The following EYA1 variants were observed in gnomAD, a reference collection of about 807,000 sequenced individuals.
The protein encoded by EYA1 is protein phosphatase EYA1.
In EYA1, 16 loss-of-function variants were observed where a neutral mutation model predicts 82.0. The ratio of observed to expected loss-of-function variants is 0.20; its 90% confidence interval spans 0.13 to 0.30. EYA1 has a LOEUF of 0.30. Ranked by LOEUF, EYA1 falls within the 10% of genes least tolerant of loss-of-function variation. The pLI is 1.00. For missense variants in EYA1, 633 were observed against 730.7 expected, an observed-to-expected ratio of 0.87 and a Z score of 1.54; for synonymous variants, 261 against 264.4, an observed-to-expected ratio of 0.99 and a Z score of 0.12.
chr8:71,371,972 T>C (rs1428477561), intron 2 of EYA1, among the ~76,000 whole-genome samples: 1 of 152,178 alleles, frequency 6.6e-6, no homozygotes, highest in Non-Finnish European at 1.5e-5. Flanking sequence ...TGAGAAGTTA[T>C]AGTTCTGGTT....
chr8:71,227,502 T>A (rs905016554), intron 12 of EYA1, among the ~76,000 whole-genome samples: 1 of 152,334 alleles, frequency 6.6e-6, no homozygotes, highest in South Asian at 2.1e-4. Context: ...AGAACTTTCA[T>A]CCTTTTCTGC....
At chr8:71,329,540 G>A (rs962421243) in intron 4 of EYA1, among the ~76,000 whole-genome samples, 7 of 152,078 alleles carry the variant, frequency 4.6e-5, no homozygotes, top group Non-Finnish European at 8.8e-5. Context: ...GACTTCCCCA[G>A]CATCCACTAC....
chr8:71,262,970 C>T (rs1016844294), intron 11 of EYA1, among the ~76,000 whole-genome samples: 3 of 152,150 alleles, frequency 2.0e-5, no homozygotes, highest in African/African-American at 4.8e-5. Flanking sequence ...AGGGCTCTGT[C>T]CTTTGGGATT....
In EYA1 at chr8:71,206,947, G is replaced by A. The variant is rs145975946; in HGVS notation, c.1698+4209C>T. On this transcript the variant is annotated intron_variant, in intron 17 of 17. Transcript: ENST00000340726. ...ATTTTTATATCTTTTATAAAGACAGGGTTTTGCCATGTTGCCCCAACTGGT... is the reference window on the plus strand; with the variant it reads ...ATTTTTATATCTTTTATAAAGACAGAGTTTTGCCATGTTGCCCCAACTGGT... 5.8e-3 allele frequency among the ~76,000 whole-genome samples: 880 copies of A among 152,060 alleles called. 8 individuals carry two copies. Among genetic ancestry groups the A allele is most frequent in the Middle Eastern group, 0.027 (8 of 294 alleles).
At chr8:71,480,927 A>C (rs1339815424) in intron 2 of EYA1, among the ~76,000 whole-genome samples, 1 of 152,182 alleles carries the variant, frequency 6.6e-6, no homozygotes, top group Non-Finnish European at 1.5e-5. Context: ...CGTGGTCAAT[A>C]AAATTAGAAT....
intron 11 of EYA1, among the ~76,000 whole-genome samples, chr8:71,259,415 C>T (rs540092677): frequency 6.6e-6 from 1 of 152,298 alleles, no homozygotes; most frequent in South Asian, 2.1e-4. Flanking sequence ...TCTACTGGCC[C>T]CATACCATTT....
intron 6 of EYA1, among the ~76,000 whole-genome samples, chr8:71,319,902 A>G (rs746493282): frequency 3.9e-5 from 6 of 152,156 alleles, no homozygotes; most frequent in Admixed American, 3.3e-4. Flanking sequence ...CAAGTTCCCA[A>G]AAGAGAAGAT....
intron 3 of EYA1, among the ~76,000 whole-genome samples, chr8:71,345,790 TAC>T (rs1170018629): frequency 3.9e-5 from 6 of 152,272 alleles, no homozygotes; most frequent in African/African-American, 1.2e-4. Flanking sequence ...ACCCCTTGAA[TAC>T]AGTTTCAAAA....
chr8:71,428,214 A>G (rs1333174281), intron 2 of EYA1, among the ~76,000 whole-genome samples: 1 of 152,172 alleles, frequency 6.6e-6, no homozygotes, highest in Non-Finnish European at 1.5e-5. Flanking sequence ...GGGAGAAGTT[A>G]TGAAGAAGTA....
intron 2 of EYA1, among the ~76,000 whole-genome samples, chr8:71,377,910 C>A (rs1211523616): frequency 3.9e-5 from 6 of 152,146 alleles, no homozygotes; most frequent in African/African-American, 7.2e-5. Context: ...GAAATGTTCT[C>A]CCTGTAAGGT....
In EYA1 at chr8:71,201,517, C is replaced by T. The variant is rs148295080; in HGVS notation, c.1699-2097G>A. Among the ~76,000 whole-genome samples, 608 of 152,232 alleles carry T rather than the reference C, an allele frequency of 4.0e-3. 2 individuals carry two copies. Among genetic ancestry groups the T allele is most frequent in the African/African-American group, 0.012 (511 of 41,550 alleles). On this transcript the variant is annotated intron_variant, in intron 17 of 17. Coordinates refer to ENST00000340726, the MANE Select transcript of EYA1 (RefSeq NM_000503.6). ...GACCTGGGTTAGAAAAACGTTTGATCCTATAGCTTTCCTCCTCATTAGAAC... is the reference window on the plus strand; with the variant it reads ...GACCTGGGTTAGAAAAACGTTTGATTCTATAGCTTTCCTCCTCATTAGAAC...
intron 7 of EYA1, among the ~76,000 whole-genome samples, chr8:71,316,898 A>T (rs562374641): frequency 6.6e-6 from 1 of 152,338 alleles, no homozygotes; most frequent in South Asian, 2.1e-4. Context: ...AGTAATGTCT[A>T]TGTATTCTTG....
chr8:71,272,999 G>C (rs1204722258), intron 9 of EYA1, among the ~76,000 whole-genome samples: 1 of 152,162 alleles, frequency 6.6e-6, no homozygotes, highest in Non-Finnish European at 1.5e-5. Flanking sequence ...ATACCAATAA[G>C]GCCATCCACG....
intron 2 of EYA1, among the ~76,000 whole-genome samples, chr8:71,521,143 C>T (rs745412584): frequency 6.6e-6 from 1 of 151,710 alleles, no homozygotes; most frequent in Non-Finnish European, 1.5e-5. Flanking sequence ...AGAGAATATA[C>T]ACAGTATGAC....
chr8:71,463,768 T>C (rs1808583482), intron 2 of EYA1, among the ~76,000 whole-genome samples: 1 of 151,954 alleles, frequency 6.6e-6, no homozygotes, highest in African/African-American at 2.4e-5. Flanking sequence ...TCTGCCACAG[T>C]TGTCACAGAA....
chr8:71,406,667 G>A (rs551860767), intron 2 of EYA1, among the ~76,000 whole-genome samples: 2 of 152,186 alleles, frequency 1.3e-5, no homozygotes, highest in African/African-American at 2.4e-5. Flanking sequence ...TTTTCAGACT[G>A]GCTTAAAAAA....
At chr8:71,225,093 C>T (rs1291341208) in intron 12 of EYA1, 5 of 281,886 alleles carry the variant, frequency 1.8e-5, no homozygotes, top group East Asian at 9.8e-5. Context: ...TTTTTACTTG[C>T]GTGTTTTTCT....
chr8:71,481,194 A>G (rs1413029325), intron 2 of EYA1, among the ~76,000 whole-genome samples: 2 of 152,214 alleles, frequency 1.3e-5, no homozygotes, highest in African/African-American at 2.4e-5. Context: ...TAGAATTTAC[A>G]AAGTAGTAAC....
intron 3 of EYA1, among the ~76,000 whole-genome samples, chr8:71,346,654 A>C (rs1825776158): frequency 6.6e-6 from 1 of 151,930 alleles, no homozygotes; most frequent in Non-Finnish European, 1.5e-5. Context: ...TCTATTTATG[A>C]AGCAGTTATT....
Sources: allele counts gnomAD v4.1 joint callset (sites outside exome capture counted in the v4.1 genomes callset), GRCh38; gene constraint gnomAD v4.1.1; transcripts MANE v1.5; gene names NCBI Gene and HGNC (gene_info 2026-07-23, HGNC 2026-07-21).